Variants in UBE2E2 observed in about 807,000 individuals in gnomAD.
The protein encoded by UBE2E2 is ubiquitin conjugating enzyme E2 E2, also known as ubiquitin-conjugating enzyme E2 E2.
In UBE2E2, 6 loss-of-function variants were observed where a neutral mutation model predicts 24.7. That is an observed-to-expected ratio of 0.24 (90% CI 0.13 to 0.48). The LOEUF is 0.48. Among genes scored for constraint, UBE2E2 ranks in the 20% least tolerant of loss-of-function variants. The probability of loss-of-function intolerance (pLI) is 0.99; values close to 1 mark genes in which losing one functional copy is unlikely to be tolerated. For missense variants in UBE2E2, 169 were observed against 245.0 expected (o/e 0.69, Z 2.07); for synonymous variants, 104 against 83.6 (o/e 1.24, Z -1.33).
chr3:23,331,409 C>G (rs1045624808), intron 3 of UBE2E2, among the ~76,000 whole-genome samples: 1 of 146,122 alleles, frequency 6.8e-6, no homozygotes, highest in East Asian at 2.0e-4. Flanking sequence ...AGAAAATGAA[C>G]AAATAAACTA....
At chr3:23,271,919 A>G (rs555385452) in intron 3 of UBE2E2, among the ~76,000 whole-genome samples, 1 of 152,308 alleles carries the variant, frequency 6.6e-6, no homozygotes, top group African/African-American at 2.4e-5. Context: ...CCAGCTAGAC[A>G]TAAAAGTTCT....
chr3:23,349,609 G>T (rs529648979), intron 3 of UBE2E2, among the ~76,000 whole-genome samples: 8 of 152,212 alleles, frequency 5.3e-5, no homozygotes, highest in African/African-American at 1.9e-4. Flanking sequence ...AGGGTCCTAC[G>T]CCCACGGAAT....
chr3:23,451,825 C>T (rs1698567938), intron 3 of UBE2E2, among the ~76,000 whole-genome samples: 1 of 152,024 alleles, frequency 6.6e-6, no homozygotes, highest in Non-Finnish European at 1.5e-5. Context: ...ATTTATGCTT[C>T]CCTAAGATAG....
chr3:23,303,267 T>G (rs756516463), intron 3 of UBE2E2, among the ~76,000 whole-genome samples: 1 of 152,084 alleles, frequency 6.6e-6, no homozygotes, highest in Non-Finnish European at 1.5e-5. Context: ...TACATTATAG[T>G]GAGTTGTATA....
rs544736662 is a variant in UBE2E2 at position 23,500,942 on chromosome 3, G to A, written c.360+1202G>A. On this transcript the variant is annotated intron_variant, in intron 4 of 5. Transcript: ENST00000396703. Reference sequence around the variant, plus strand: ...TTACACAATACATTTTATTCAAGCTGTCAGGGCTGGTGGCACTGGTGACCA... The same window carrying A: ...TTACACAATACATTTTATTCAAGCTATCAGGGCTGGTGGCACTGGTGACCA... 2.0e-4 allele frequency among the ~76,000 whole-genome samples: 30 copies of A among 152,258 alleles called. 1 individual carries two copies. Among genetic ancestry groups the A allele is most frequent in the Middle Eastern group, 3.4e-3 (1 of 294 alleles).
intron 3 of UBE2E2, among the ~76,000 whole-genome samples, chr3:23,278,712 C>A (rs1698422090): frequency 6.6e-6 from 1 of 152,042 alleles, no homozygotes; most frequent in African/African-American, 2.4e-5. Context: ...CATGTAACTA[C>A]ATTAAATTAT....
At chr3:23,372,270 T>A (rs1022620458) in intron 3 of UBE2E2, among the ~76,000 whole-genome samples, 4 of 152,200 alleles carry the variant, frequency 2.6e-5, no homozygotes, top group African/African-American at 7.2e-5. Context: ...TTTTAAAAAA[T>A]TTCTGTTTTG....
intron 3 of UBE2E2, among the ~76,000 whole-genome samples, chr3:23,348,929 G>A (rs1473398395): frequency 6.6e-6 from 1 of 152,094 alleles, no homozygotes; most frequent in Non-Finnish European, 1.5e-5. Flanking sequence ...TTTTTATAGG[G>A]TTCTGCACAC....
At chr3:23,482,541 T>C (rs1427312144) in intron 3 of UBE2E2, among the ~76,000 whole-genome samples, 2 of 152,136 alleles carry the variant, frequency 1.3e-5, no homozygotes, top group Non-Finnish European at 2.9e-5. Flanking sequence ...CACGCTGTTC[T>C]TGACTCCCTT....
chr3:23,341,706 C>T (rs1239394500), intron 3 of UBE2E2, among the ~76,000 whole-genome samples: 1 of 151,942 alleles, frequency 6.6e-6, no homozygotes, highest in Non-Finnish European at 1.5e-5. Context: ...TCCTTCTTCT[C>T]GTTCTTTTTT....
At chr3:23,346,379 AT>A (rs1695558434) in intron 3 of UBE2E2, among the ~76,000 whole-genome samples, 1 of 152,036 alleles carries the variant, frequency 6.6e-6, no homozygotes, top group Non-Finnish European at 1.5e-5. Context: ...AGATACTATC[AT>A]CACATCATCA....
chr3:23,544,099 A>G (rs1695459127), intron 5 of UBE2E2, among the ~76,000 whole-genome samples: 1 of 152,224 alleles, frequency 6.6e-6, no homozygotes, highest in African/African-American at 2.4e-5. Flanking sequence ...AGACTAAACC[A>G]TAAAAATTCT....
intron 3 of UBE2E2, among the ~76,000 whole-genome samples, chr3:23,338,008 G>A (rs1037973957): frequency 2.6e-5 from 4 of 152,254 alleles, no homozygotes; most frequent in African/African-American, 9.6e-5. Flanking sequence ...GAGAAAAGTG[G>A]GCAGTCTGAG....
At chr3:23,547,597 T>C (rs938862681) in intron 5 of UBE2E2, among the ~76,000 whole-genome samples, 1 of 152,206 alleles carries the variant, frequency 6.6e-6, no homozygotes, top group Middle Eastern at 3.2e-3. Flanking sequence ...CTGTACCTGA[T>C]TTATAACTAA....
chr3:23,589,716 A>G lies in UBE2E2; in HGVS notation c.509-18A>G, dbSNP rs372019501. On this transcript the variant is annotated intron_variant, in intron 5 of 5. Transcript: ENST00000396703. This position sits in a 1 kb window ranked among gnomAD's most constrained non-coding sequence, Gnocchi z 4.1. Reference sequence around the variant, plus strand: ...CAGTGCTGGTATTTACTGACTCCCAACTCTGCTTTCCTTGCAGCTGACCCT... The same window carrying G: ...CAGTGCTGGTATTTACTGACTCCCAGCTCTGCTTTCCTTGCAGCTGACCCT... 1.9e-6 allele frequency: 3 copies of G among 1,612,740 alleles called. No homozygotes were observed. The highest frequency in any genetic ancestry group is 1.7e-5 in the Admixed American group (1 of 59,954).
chr3:23,531,302 C>G (rs1367069050), intron 4 of UBE2E2, among the ~76,000 whole-genome samples: 3 of 152,138 alleles, frequency 2.0e-5, no homozygotes, highest in Non-Finnish European at 4.4e-5. Flanking sequence ...TACCAAAAGA[C>G]TGTCTTTAGA....
chr3:23,588,331 A>G (rs1696673509), intron 5 of UBE2E2, among the ~76,000 whole-genome samples: 1 of 152,158 alleles, frequency 6.6e-6, no homozygotes, highest in Non-Finnish European at 1.5e-5. Context: ...ATTGGAGGGA[A>G]AAGAGTAGAA....
chr3:23,425,872 A>C (rs902807540), intron 3 of UBE2E2, among the ~76,000 whole-genome samples: 1 of 152,164 alleles, frequency 6.6e-6, no homozygotes, highest in African/African-American at 2.4e-5. Context: ...ACTAGAAGGC[A>C]AATAATACAC....
chr3:23,300,653 G>A (rs1188406622), intron 3 of UBE2E2, among the ~76,000 whole-genome samples: 3 of 152,192 alleles, frequency 2.0e-5, no homozygotes, highest in African/African-American at 7.2e-5. Flanking sequence ...CGAGAGATCA[G>A]CTGTTAGTCT....
Sources: allele counts gnomAD v4.1 joint callset (sites outside exome capture counted in the v4.1 genomes callset), GRCh38; gene constraint gnomAD v4.1.1; non-coding constraint Gnocchi (gnomAD v3.1); transcripts MANE v1.5; gene names NCBI Gene and HGNC (gene_info 2026-07-23, HGNC 2026-07-21).